DDX60L: variants seen among roughly 807,000 people sequenced by gnomAD.
The protein encoded by DDX60L is probable ATP-dependent RNA helicase DDX60-like.
Under a neutral mutation model 211.6 loss-of-function variants are expected in DDX60L, and 191 were observed. That is an observed-to-expected ratio of 0.90 (90% CI 0.80 to 1.02). The LOEUF (loss-of-function observed/expected upper bound fraction) is 1.02, where lower values mean the gene tolerates loss of function less well. DDX60L is among the 50% of genes least tolerant of loss of function. DDX60L has a pLI of 0.00. For missense variants in DDX60L, 2,007 were observed against 1,984.1 expected (o/e 1.01, Z -0.22); for synonymous variants, 706 against 694.1 (o/e 1.02, Z -0.27).
In DDX60L at chr4:168,421,929, A is replaced by G; in HGVS notation, c.2245-20T>C. The G allele has an allele frequency of 1.2e-6, 2 of 1,613,902 alleles. No homozygotes were observed. The highest frequency in any genetic ancestry group is 1.7e-6 in the Non-Finnish European group (2 of 1,179,850). On this transcript the variant is annotated intron_variant, in intron 16 of 37. Transcript: ENST00000682922. Reference sequence around the variant, plus strand: ...TTCCTGCTGCAGGGTACAAAGCACCATTTGTGTCAAGAAAGTGAACAGCAT... The same window carrying G: ...TTCCTGCTGCAGGGTACAAAGCACCGTTTGTGTCAAGAAAGTGAACAGCAT...
chr4:168,403,428 T>A (rs1012248869), intron 25 of DDX60L, among the ~76,000 whole-genome samples: 14 of 152,194 alleles, frequency 9.2e-5, no homozygotes, highest in African/African-American at 3.4e-4. Flanking sequence ...CTAAATAAGT[T>A]TTTTGGTTCT....
At chr4:168,435,626 T>C (rs1449039763) in intron 10 of DDX60L, among the ~76,000 whole-genome samples, 1 of 152,184 alleles carries the variant, frequency 6.6e-6, no homozygotes, top group Non-Finnish European at 1.5e-5. Flanking sequence ...TTTTTCTCCA[T>C]TCCTGTTAAT....
At chr4:168,418,987 A>G (rs1750025356) in intron 19 of DDX60L, among the ~76,000 whole-genome samples, 1 of 152,208 alleles carries the variant, frequency 6.6e-6, no homozygotes, top group Admixed American at 6.5e-5. Context: ...AGACATATCT[A>G]TAGAATCTCT....
At chr4:168,382,287 CACTT>C (rs1430959821) in intron 30 of DDX60L, among the ~76,000 whole-genome samples, 1 of 152,138 alleles carries the variant, frequency 6.6e-6, no homozygotes, top group African/African-American at 2.4e-5. Context: ...AAAAAGCAAA[CACTT>C]ACCCACATTT....
At chr4:168,379,684 G>T in intron 31 of DDX60L, 42 bp downstream of exon 31, 2 of 1,472,786 alleles carry the variant, frequency 1.4e-6, no homozygotes, top group South Asian at 1.2e-5. Flanking sequence ...AAGTTTACAC[G>T]GTACTAGTTA....
chr4:168,470,589 T>G (rs1014373257), intron 4 of DDX60L: 2 of 152,674 alleles, frequency 1.3e-5, no homozygotes, highest in African/African-American at 4.8e-5. Flanking sequence ...TTAAAAGTTC[T>G]AGAACTTTGG....
intron 15 of DDX60L, among the ~76,000 whole-genome samples, chr4:168,423,013 G>T (rs1042554492): frequency 3.3e-5 from 5 of 151,396 alleles, no homozygotes; most frequent in Non-Finnish European, 5.9e-5. Context: ...TAGAGACAGG[G>T]TGTTGCCATG....
Position 168,422,324 on chromosome 4 carries a change from C to T in DDX60L, c.2244+200G>A, listed in dbSNP as rs548705548. On this transcript the variant is annotated intron_variant, in intron 16 of 37. Transcript: ENST00000682922. ...TACAAACAGGTATCAGTATAACTTC[C>T]ACTGATGGTGAAAATAAAAAGGCCA... 3.3e-5 allele frequency among the ~76,000 whole-genome samples: 5 copies of T among 152,218 alleles called. No individual in the cohort carries two copies. In the South Asian group the frequency reaches 1.0e-3, roughly 32 times the overall value.
intron 9 of DDX60L, among the ~76,000 whole-genome samples, chr4:168,442,181 C>T (rs1579671023): frequency 6.6e-6 from 1 of 152,228 alleles, no homozygotes; most frequent in South Asian, 2.1e-4. Context: ...CGAGGCATTG[C>T]CTCACTTGGG....
At chr4:168,432,128 A>G (rs1272843205) in intron 12 of DDX60L, among the ~76,000 whole-genome samples, 1 of 152,044 alleles carries the variant, frequency 6.6e-6, no homozygotes, top group East Asian at 1.9e-4. Context: ...CTCTATTTGA[A>G]TTAACAGATA....
chr4:168,413,331 A>G (rs966098976), intron 22 of DDX60L, among the ~76,000 whole-genome samples: 1 of 152,174 alleles, frequency 6.6e-6, no homozygotes, highest in Non-Finnish European at 1.5e-5. Flanking sequence ...TTAAAAAAAG[A>G]AAACTACAGG....
intron 37 of DDX60L, among the ~76,000 whole-genome samples, chr4:168,358,746 C>T (rs1738593348): frequency 6.6e-6 from 1 of 152,000 alleles, no homozygotes; most frequent in African/African-American, 2.4e-5. Flanking sequence ...TCTTGAACTC[C>T]TGACCTCGTG....
chr4:168,459,688 G>A (rs943314970), intron 5 of DDX60L, among the ~76,000 whole-genome samples: 1 of 151,314 alleles, frequency 6.6e-6, no homozygotes, highest in South Asian at 2.1e-4. Context: ...CCAAGGAGGC[G>A]GAGGTTGCAG....
intron 13 of DDX60L, among the ~76,000 whole-genome samples, chr4:168,429,369 C>G (rs1051257085): frequency 6.6e-6 from 1 of 152,086 alleles, no homozygotes; most frequent in South Asian, 2.1e-4. Context: ...AGGCTGGTGT[C>G]GAACTCCTGA....
intron 30 of DDX60L, among the ~76,000 whole-genome samples, chr4:168,382,553 G>A (rs1161368853): frequency 1.3e-5 from 2 of 151,980 alleles, no homozygotes; most frequent in Non-Finnish European, 2.9e-5. Flanking sequence ...AATTAAGAGT[G>A]ACACATTTGA....
intron 28 of DDX60L, among the ~76,000 whole-genome samples, chr4:168,391,903 C>A (rs755531773): frequency 2.0e-5 from 3 of 152,098 alleles, no homozygotes; most frequent in Non-Finnish European, 4.4e-5. Flanking sequence ...TTTTTCTGAT[C>A]TCTATATAAA....
intron 19 of DDX60L, among the ~76,000 whole-genome samples, chr4:168,417,203 C>T (rs1341156770): frequency 6.6e-6 from 1 of 152,158 alleles, no homozygotes; most frequent in South Asian, 2.1e-4. Context: ...CTAATTAAAT[C>T]CCTACACTGT....
At chr4:168,430,353 T>C (rs1201528075) in intron 13 of DDX60L, 125 bp downstream of exon 13, 8 of 782,832 alleles carry the variant, frequency 1.0e-5, no homozygotes, top group African/African-American at 9.0e-5. Context: ...AATGTGAGAA[T>C]GGACTAAGAC....
intron 4 of DDX60L, among the ~76,000 whole-genome samples, chr4:168,468,192 A>ATAAATAAATAAATAAATAAATAAG (rs1554022757): frequency 6.6e-6 from 1 of 151,786 alleles, no homozygotes; most frequent in African/African-American, 2.4e-5. Flanking sequence ...AAATAAATAA[A>ATAAATAAATAAATAAATAAATAAG]CAAGTAAAAT....
Sources: gnomAD v4.1 joint callset for allele counts (sites outside exome capture counted in the v4.1 genomes callset) on GRCh38, gnomAD v4.1.1 for gene constraint, MANE v1.5 for transcripts, NCBI Gene and HGNC (gene_info 2026-07-23, HGNC 2026-07-21) for gene names.